RARB: variants seen among roughly 807,000 people sequenced by gnomAD.
RARB encodes retinoic acid receptor beta, also known as HBV-activated protein.
A neutral mutation model predicts 51.9 loss-of-function variants in RARB; 17 were observed. That is an observed-to-expected ratio of 0.33 (90% CI 0.22 to 0.49). The LOEUF is 0.49. Among genes scored for constraint, RARB ranks in the 20% least tolerant of loss-of-function variants. RARB has a pLI of 0.99. For synonymous variants in RARB, 215 were observed against 195.4 expected (o/e 1.10, Z -0.84); for missense variants, 369 against 550.8 (o/e 0.67, Z 3.30).
At chr3:25,266,927 C>G (rs1416560342) in intron 5 of RARB, among the ~76,000 whole-genome samples, 4 of 152,176 alleles carry the variant, frequency 2.6e-5, no homozygotes, top group Non-Finnish European at 4.4e-5. Context: ...TGTTTAAGCC[C>G]CCAGGCTATG....
intron 1 of RARB, among the ~76,000 whole-genome samples, chr3:24,853,612 A>G (rs934086626): frequency 2.6e-5 from 4 of 152,178 alleles, no homozygotes; most frequent in African/African-American, 9.7e-5. Context: ...ATGCAAATCA[A>G]TAACACTGGC....
intron 5 of RARB, chr3:25,259,971 A>G (rs1702956693): frequency 2.0e-6 from 2 of 985,202 alleles, no homozygotes; most frequent in Admixed American, 1.2e-4. Context: ...TGTGGAGCCA[A>G]CTTCTCAGCC....
intron 5 of RARB, among the ~76,000 whole-genome samples, chr3:25,208,590 C>T (rs554278792): frequency 8.5e-5 from 13 of 152,254 alleles, no homozygotes; most frequent in South Asian, 4.2e-4. Flanking sequence ...TGTTCCCTTC[C>T]GCTCTCTTTG....
chr3:25,352,491 G>T (rs1197082892), intron 5 of RARB: 1 of 152,018 alleles, frequency 6.6e-6, no homozygotes, highest in Non-Finnish European at 1.5e-5. Context: ...TTATTTTCTT[G>T]GCTTCTCTTT....
chr3:24,862,946 G>A (rs1457287143), intron 2 of RARB, among the ~76,000 whole-genome samples: 3 of 152,170 alleles, frequency 2.0e-5, no homozygotes, highest in Non-Finnish European at 2.9e-5. Context: ...AGCTTTAGTG[G>A]GAATTGTGAG....
chr3:25,221,153 G>A (rs1227913835), intron 5 of RARB, among the ~76,000 whole-genome samples: 4 of 149,278 alleles, frequency 2.7e-5, no homozygotes, highest in South Asian at 2.1e-4. Flanking sequence ...AAACAAGGAT[G>A]TATAAAAAGC....
rs145571041 is a variant in RARB, at chr3:25,241,267, T to A, written c.178+66692T>A. Among the ~76,000 whole-genome samples the A allele has an allele frequency of 2.7e-3, 415 of 152,338 alleles. 2 individuals carry two copies. The highest frequency in any genetic ancestry group is 9.6e-3 in the African/African-American group (400 of 41,590). The stretch of plus-strand genomic sequence containing the variant: ...ACTGAGTTTTAGTGGTCTGAGCAGA[T>A]ACTTGTTATGATTTTGATTTTTAAA... On this transcript the variant is annotated intron_variant, in intron 5 of 11. Coordinates refer to the RARB transcript ENST00000383772.
intron 5 of RARB, among the ~76,000 whole-genome samples, chr3:25,310,679 C>A (rs1704266968): frequency 6.6e-6 from 1 of 152,184 alleles, no homozygotes; most frequent in African/African-American, 2.4e-5. Context: ...TATGGGCTGA[C>A]AACCCTCCTT....
At chr3:25,276,398 G>T (rs966634940) in intron 5 of RARB, among the ~76,000 whole-genome samples, 3 of 152,080 alleles carry the variant, frequency 2.0e-5, no homozygotes, top group Non-Finnish European at 4.4e-5. Flanking sequence ...AGCATCACAC[G>T]ATACTCAATA....
At chr3:25,259,839 A>G (rs184258675) in intron 5 of RARB, 37 of 882,798 alleles carry the variant, frequency 4.2e-5, no homozygotes, top group Non-Finnish European at 4.9e-5. Flanking sequence ...AGCTCTTGGT[A>G]TCTGTCATTG....
chr3:25,232,516 T>A (rs6798155), intron 5 of RARB, among the ~76,000 whole-genome samples: 118,324 of 151,986 alleles, frequency 0.78, 46,701 homozygotes, highest in East Asian at 0.85. Context: ...AGAAAACTTA[T>A]GATTTATTTA....
At chr3:24,909,221 G>C (rs566357667) in intron 2 of RARB, among the ~76,000 whole-genome samples, 10 of 152,234 alleles carry the variant, frequency 6.6e-5, no homozygotes, top group Non-Finnish European at 1.2e-4. Flanking sequence ...TCTATTACTT[G>C]CCTGTCTTTG....
chr3:25,382,192 T>C (rs561676287), intron 5 of RARB, among the ~76,000 whole-genome samples: 72 of 152,330 alleles, frequency 4.7e-4, no homozygotes, highest in Non-Finnish European at 8.1e-4. Context: ...TTTATTCTCA[T>C]GGAATAGGTA....
At chr3:24,990,921 G>T (rs1696895867) in intron 2 of RARB, among the ~76,000 whole-genome samples, 1 of 152,110 alleles carries the variant, frequency 6.6e-6, no homozygotes, top group Admixed American at 6.5e-5. Context: ...GGCCTATAAA[G>T]GTCTTGGACA....
At chr3:25,585,704 C>T (rs2125313515) in intron 5 of RARB, among the ~76,000 whole-genome samples, 1 of 152,330 alleles carries the variant, frequency 6.6e-6, no homozygotes, top group South Asian at 2.1e-4. Flanking sequence ...GGGGCTCATG[C>T]CATCTTGCCT....
intron 5 of RARB, among the ~76,000 whole-genome samples, chr3:25,379,902 C>T (rs1294326679): frequency 6.6e-6 from 1 of 152,098 alleles, no homozygotes; most frequent in Non-Finnish European, 1.5e-5. Flanking sequence ...TATAGCCCCT[C>T]AGATAACTTT....
At chr3:25,259,810 T>C in intron 5 of RARB, 5 of 675,114 alleles carry the variant, frequency 7.4e-6, no homozygotes, top group Non-Finnish European at 9.1e-6. Context: ...AAAGTCATCT[T>C]CTTCCTCAGT....
chr3:25,439,024 C>T lies in RARB; in HGVS notation c.157+10136C>T, dbSNP rs140319175. 2.1e-4 allele frequency among the ~76,000 whole-genome samples: 32 copies of T among 152,154 alleles called. No individual in the cohort carries two copies. In the East Asian group the frequency reaches 5.4e-3, roughly 26 times the overall value. On this transcript the variant is annotated intron_variant, in intron 1 of 7. Coordinates refer to ENST00000330688, the MANE Select transcript of RARB (RefSeq NM_000965.5). ...CTGCTGTAGCTCAGGGGGTTCAGAC[C>T]AGGATTAGTCTGGTATTTACTGAAG...
Position 25,250,291 on chromosome 3 carries a change from A to G in RARB, c.178+75716A>G, listed in dbSNP as rs558450334. ...ATGCAGGGCCAGCCTGTGTGGGTCTATCCTCAGGCTCCATGTGATGTGTGC... is the reference window on the plus strand; with the variant it reads ...ATGCAGGGCCAGCCTGTGTGGGTCTGTCCTCAGGCTCCATGTGATGTGTGC... On this transcript the variant is annotated intron_variant, in intron 5 of 11. Transcript: ENST00000383772. Among the ~76,000 whole-genome samples, 65 of 152,228 alleles carry G rather than the reference A, an allele frequency of 4.3e-4. 1 individual carries two copies. Among genetic ancestry groups the G allele is most frequent in the Admixed American group, 4.1e-3 (63 of 15,292 alleles).
Sources: allele counts gnomAD v4.1 joint callset (sites outside exome capture counted in the v4.1 genomes callset), GRCh38; gene constraint gnomAD v4.1.1; transcripts MANE v1.5; gene names NCBI Gene and HGNC (gene_info 2026-07-23, HGNC 2026-07-21).